MBTPS1: variants seen among roughly 807,000 people sequenced by gnomAD.
MBTPS1 encodes the protein membrane bound transcription factor peptidase, site 1, also known as membrane-bound transcription factor site-1 protease.
A neutral mutation model predicts 127.8 loss-of-function variants in MBTPS1; 94 were observed. The ratio of observed to expected loss-of-function variants is 0.74; its 90% CI spans 0.62 to 0.87. The LOEUF is 0.87. Among genes scored for constraint, MBTPS1 ranks in the 40% least tolerant of loss-of-function variants. The pLI is 0.00. For missense variants in MBTPS1, 1,636 were observed against 1,353.2 expected (o/e 1.21, Z -3.28); for synonymous variants, 632 against 509.4 (o/e 1.24, Z -3.24).
intron 19 of MBTPS1, 30 bp from the exon 20 acceptor site, chr16:84,060,843 T>C: frequency 5.2e-6 from 8 of 1,524,392 alleles, no homozygotes; most frequent in South Asian, 5.1e-5. Context: ...GTTTAGGAAT[T>C]CCTTTTTTTT....
At chr16:84,116,660 G>C (rs150857070) in intron 1 of MBTPS1, 75 bp downstream of exon 1, 9,139 of 152,060 alleles carry the variant, frequency 0.06, 343 homozygotes, top group Middle Eastern at 0.11. Context: ...GGACGCAACC[G>C]GCACACCTGA....
Position 84,066,602 on chromosome 16 carries a change from A to G in MBTPS1, c.2240T>C (p.Met747Thr). ...GATGTTAGCTCCTCCGGTATCCGGC[A>G]TCCACCACTGCCTGGGAAAGTGGTA... is the stretch of plus-strand genomic sequence containing the variant. The part of the protein sequence containing the change: ...FYDENTRQWW[M>T]PDTGGANIPA... Residue 747 changes from methionine to threonine, a missense_variant, in exon 17 of 23, where the codon ATG becomes ACG. By Grantham distance (81) the Met-to-Thr change is moderately conservative (BLOSUM62 -1). Transcript: ENST00000343411. The G allele has an allele frequency of 1.9e-6, 3 of 1,614,140 alleles. No homozygotes were observed. Among genetic ancestry groups the G allele is most frequent in the Non-Finnish European group, 2.5e-6 (3 of 1,179,994 alleles).
chr16:84,060,904 G>T, intron 19 of MBTPS1, 91 bp from the exon 20 acceptor site: 1 of 1,260,780 alleles, frequency 7.9e-7, no homozygotes, highest in Non-Finnish European at 1.1e-6. Flanking sequence ...CGCAATCATA[G>T]CTCACTGCAG....
chr16:84,082,013 G>C (rs1198025688), intron 10 of MBTPS1, 105 bp from the exon 11 acceptor site: 6 of 750,348 alleles, frequency 8.0e-6, no homozygotes, highest in Non-Finnish European at 1.1e-5. Flanking sequence ...CTGCAGTCTT[G>C]TTTAGTATCC....
intron 2 of MBTPS1, among the ~76,000 whole-genome samples, chr16:84,100,883 G>A (rs1477112637): frequency 2.0e-5 from 3 of 151,838 alleles, no homozygotes; most frequent in African/African-American, 4.8e-5. Flanking sequence ...GGCCAGGCAC[G>A]GTGGCTCATG....
rs112559894 is a variant in MBTPS1 at position 84,093,788 on chromosome 16, C to G, written c.659G>C (p.Gly220Ala). 2 of 1,613,862 alleles carry G rather than the reference C, an allele frequency of 1.2e-6. No individual in the cohort carries two copies. Among genetic ancestry groups the G allele is most frequent in the Non-Finnish European group, 1.7e-6 (2 of 1,179,886 alleles). ...GAAGTGGGGATGCTTCTCGCTCAGC[C>G]CAGTGTCAAAAACAGCAACTCTTAC... is the stretch of plus-strand genomic sequence containing the variant. ...ANVRVAVFDT[G>A]LSEKHPHFKN... Residue 220 changes from glycine (G) to alanine (A), a missense_variant, in exon 5 of 23, where the codon GGG becomes GCG. By Grantham distance (60) the Gly-to-Ala change is moderately conservative (BLOSUM62 0). Transcript: ENST00000343411.
intron 16 of MBTPS1, 75 bp from the exon 17 acceptor site, chr16:84,066,688 C>A (rs1597310153): frequency 2.8e-6 from 4 of 1,406,074 alleles, no homozygotes; most frequent in Non-Finnish European, 3.9e-6. Flanking sequence ...GTCTCTGTGA[C>A]AAAACTCAAT....
chr16:84,095,834 C>A, intron 3 of MBTPS1, 29 bp from the exon 4 acceptor site: 8 of 1,594,380 alleles, frequency 5.0e-6, no homozygotes, highest in Non-Finnish European at 6.9e-6. Flanking sequence ...AAGATCAGAA[C>A]AGAAGAGCAA....
chr16:84,066,531 C>A lies in MBTPS1; in HGVS notation c.2311G>T (p.Asp771Tyr). The change falls in exon 17 of 23, where the codon GAT (aspartate) becomes TAT (tyrosine). Residue 771 changes from aspartate (D) to tyrosine (Y), a missense_variant. By Grantham distance (160) the Asp-to-Tyr change is radical. Transcript: ENST00000343411. ...LLSVWNMGFS[D>Y]GLYEGEFTLA... ...GTGAACTCCCCTTCATACAGGCCAT[C>A]GCTGAACCCCATGTTCCACACAGAC... The A allele has an allele frequency of 1.2e-6, 2 of 1,614,196 alleles. No homozygotes were observed. The highest frequency in any genetic ancestry group is 1.7e-6 in the Non-Finnish European group (2 of 1,180,020).
chr16:84,067,517 C>T lies in MBTPS1; in HGVS notation c.2228+150G>A, dbSNP rs139826517. On this transcript the variant is annotated intron_variant, in intron 16 of 22. Coordinates refer to ENST00000343411, the MANE Select transcript of MBTPS1 (RefSeq NM_003791.4). The stretch of plus-strand genomic sequence containing the variant: ...ACAGGCGTGAGCAACCGCACTCAGT[C>T]GAAAGGGCTTTTTTTCTAATCAAGC... 64 of 642,990 alleles carry T rather than the reference C, an allele frequency of 1.0e-4. No individual in the cohort carries two copies. The East Asian group carries it at 1.7e-3, about 17-fold the overall frequency. The allele number at this position is 642,990 out of a possible 1,614,324, so 39.8% of individuals were successfully genotyped here.
At chr16:84,074,414 T>C (rs569302573) in intron 12 of MBTPS1, among the ~76,000 whole-genome samples, 183 bp downstream of exon 12, 4 of 152,298 alleles carry the variant, frequency 2.6e-5, no homozygotes, top group Non-Finnish European at 4.4e-5. Context: ...TCTTTATTAT[T>C]TGTAGAGACA....
In MBTPS1 at chr16:84,054,369, G is replaced by C. The variant is rs1191841254; in HGVS notation, c.*80C>G. The C allele has an allele frequency of 7.5e-7, 1 of 1,328,630 alleles. No homozygotes were observed. The highest frequency in any genetic ancestry group is 1.0e-6 in the Non-Finnish European group (1 of 990,520). The allele number at this position is 1,328,630 out of a possible 1,614,324, so 82.3% of individuals were successfully genotyped here. A position where few individuals can be genotyped will look rare whatever the true frequency, so the allele number is the denominator to read the frequency against. ...TGGAAACTGGATCCCTTTTAAACCA[G>C]CCGCCACCACAGCTCGGCTCACCCA... On this transcript the variant is annotated 3_prime_UTR_variant, in exon 23 of 23. Coordinates refer to ENST00000343411, the MANE Select transcript of MBTPS1 (RefSeq NM_003791.4).
chr16:84,068,297 T>C (rs747264371), intron 15 of MBTPS1, 42 bp downstream of exon 15: 3 of 1,281,316 alleles, frequency 2.3e-6, no homozygotes, highest in African/African-American at 1.5e-5. Flanking sequence ...ACATCCAAAG[T>C]GGGCGGAAAG....
rs754457874 is a variant in MBTPS1 at position 84,101,688 on chromosome 16, C to G, written c.96G>C (p.Lys32Asn). Residue 32 changes from lysine (K) to asparagine (N), a missense_variant, in exon 2 of 23, where the codon AAG becomes AAC. Physicochemically the swap from Lys to Asn is moderately conservative, Grantham distance 94. Transcript: ENST00000343411. Reference sequence around the variant, plus strand: ...GGTGGGAACAGCCAGGGCATGGGGCCTTTTCAAAAGATTTCTTTTCCAGTC... The same window carrying G: ...GGTGGGAACAGCCAGGGCATGGGGCGTTTTCAAAAGATTTCTTTTCCAGTC... ...GDRLEKKSFE[K>N]APCPGCSHLT... 1 of 1,614,142 alleles carries G rather than the reference C, an allele frequency of 6.2e-7. No individual in the cohort carries two copies. Among genetic ancestry groups the G allele is most frequent in the Admixed American group, 1.7e-5 (1 of 60,018 alleles).
chr16:84,084,968 G>T lies in MBTPS1; in HGVS notation c.1286+15C>A. 6.2e-7 allele frequency: 1 copy of T among 1,612,404 alleles called. No homozygotes were observed. ...CTGACGTGGGAGCTACTGGTCTCTA[G>T]GGGGCAGCACTCACCTCACTAACAA... is the stretch of plus-strand genomic sequence containing the variant. On this transcript the variant is annotated intron_variant, in intron 10 of 22. Coordinates refer to ENST00000343411, the MANE Select transcript of MBTPS1 (RefSeq NM_003791.4).
chr16:84,093,862 A>C (rs751796628), intron 4 of MBTPS1, 41 bp from the exon 5 acceptor site: 12 of 1,399,772 alleles, frequency 8.6e-6, no homozygotes, highest in Middle Eastern at 1.8e-4. Flanking sequence ...TGTTTGAAGA[A>C]ATCATCATTT....
intron 3 of MBTPS1, 51 bp from the exon 4 acceptor site, chr16:84,095,856 C>T (rs771239767): frequency 6.1e-6 from 9 of 1,476,700 alleles, no homozygotes; most frequent in Admixed American, 1.7e-5. Flanking sequence ...ACGAACTACA[C>T]GATACCCGCC....
chr16:84,091,015 A>G (rs527847861), intron 7 of MBTPS1, 73 bp from the exon 8 acceptor site: 2 of 906,788 alleles, frequency 2.2e-6, no homozygotes, highest in Non-Finnish European at 3.5e-6. Flanking sequence ...AAAAAAAAAA[A>G]CCATACACAA....
chr16:84,072,846 C>T (rs1399416521), intron 12 of MBTPS1, among the ~76,000 whole-genome samples: 3 of 152,146 alleles, frequency 2.0e-5, no homozygotes, highest in Admixed American at 6.5e-5. Context: ...CTCCTGAACC[C>T]CACTGGCAGC....
Sources: gnomAD v4.1 joint callset for allele counts (sites outside exome capture counted in the v4.1 genomes callset) on GRCh38, gnomAD v4.1.1 for gene constraint, MANE v1.5 for transcripts, NCBI Gene and HGNC (gene_info 2026-07-23, HGNC 2026-07-21) for gene names.